The following PPHLN1 variants were observed in gnomAD, a reference collection of about 807,000 sequenced individuals.
The protein encoded by PPHLN1 is periphilin-1.
In PPHLN1, 29 loss-of-function variants were observed where a neutral mutation model predicts 51.3. That is an observed-to-expected ratio of 0.57 (90% CI 0.42 to 0.77). PPHLN1 has a LOEUF of 0.77. Among genes scored for constraint, PPHLN1 ranks in the 30% least tolerant of loss-of-function variants. PPHLN1 has a pLI of 0.00. For synonymous variants in PPHLN1, 147 were observed against 147.8 expected, an observed-to-expected ratio of 0.99 and a Z score of 0.04; for missense variants, 436 against 438.4, an observed-to-expected ratio of 0.99 and a Z score of 0.05.
At chr12:42,406,021 C>T (rs1416305775) in intron 9 of PPHLN1, among the ~76,000 whole-genome samples, 1 of 151,948 alleles carries the variant, frequency 6.6e-6, no homozygotes, top group Non-Finnish European at 1.5e-5. Flanking sequence ...GTTCATCTCC[C>T]CTCCTAACCT....
chr12:42,413,526 ATGTGTGTGTGTGTGTGTGTGTG>A (rs71084648), intron 9 of PPHLN1, among the ~76,000 whole-genome samples: 9 of 136,608 alleles, frequency 6.6e-5, no homozygotes, highest in South Asian at 2.4e-4. Flanking sequence ...ATATATGTAT[ATGTGTGTGTGTGTGTGTGTGTG>A]TGTGTGTGTG....
intron 7 of PPHLN1, among the ~76,000 whole-genome samples, chr12:42,392,797 A>T (rs1438955024): frequency 6.6e-6 from 1 of 152,224 alleles, no homozygotes; most frequent in Non-Finnish European, 1.5e-5. Context: ...ATCAGTGAAT[A>T]TGGAAAAGAA....
chr12:42,326,605 T>A (rs1349343217), intron 1 of PPHLN1, among the ~76,000 whole-genome samples: 1 of 152,170 alleles, frequency 6.6e-6, no homozygotes, highest in Admixed American at 6.5e-5. Context: ...TTGTTTTGTT[T>A]TCTGGTGAAG....
At chr12:42,398,690 C>A in intron 8 of PPHLN1, 164 bp from the exon 9 acceptor site, 1 of 505,364 alleles carries the variant, frequency 2.0e-6, no homozygotes, top group African/African-American at 1.9e-5. Context: ...TAATCCATTT[C>A]ACATATGCTC....
chr12:42,328,999 C>T (rs528354910), intron 1 of PPHLN1, among the ~76,000 whole-genome samples: 1 of 152,282 alleles, frequency 6.6e-6, no homozygotes. Context: ...CGGGCATGAG[C>T]CACCGCACCC....
At chr12:42,393,008 A>G (rs2077871356) in intron 7 of PPHLN1, among the ~76,000 whole-genome samples, 1 of 152,252 alleles carries the variant, frequency 6.6e-6, no homozygotes. Context: ...CCAGGTCTGT[A>G]TATAACTGCA....
intron 9 of PPHLN1, among the ~76,000 whole-genome samples, chr12:42,408,542 G>C (rs2079521483): frequency 6.6e-6 from 1 of 152,166 alleles, no homozygotes; most frequent in Admixed American, 6.5e-5. Context: ...TAGTAGTTAG[G>C]TAAGTAGCAT....
At chr12:42,333,778 G>A (rs971717040) in intron 1 of PPHLN1, among the ~76,000 whole-genome samples, 1 of 152,126 alleles carries the variant, frequency 6.6e-6, no homozygotes, top group Admixed American at 6.5e-5. Flanking sequence ...CGCTGCGCCC[G>A]GCCAACCTCC....
At chr12:42,444,955 AG>A, downstream of PPHLN1, 1 of 663,362 alleles carries the variant, frequency 1.5e-6, no homozygotes, top group Non-Finnish European at 2.7e-6. Flanking sequence ...CAGAGAGCTG[AG>A]GTTGGAGCCC....
chr12:42,407,550 C>G (rs2079423788), intron 9 of PPHLN1, among the ~76,000 whole-genome samples: 1 of 152,094 alleles, frequency 6.6e-6, no homozygotes, highest in Non-Finnish European at 1.5e-5. Context: ...TAAGCCCAGC[C>G]CAAAATCAAC....
chr12:42,416,855 A>C (rs1294995830), intron 9 of PPHLN1, among the ~76,000 whole-genome samples: 2 of 152,222 alleles, frequency 1.3e-5, no homozygotes, highest in African/African-American at 4.8e-5. Flanking sequence ...TGAAGGTAGA[A>C]TAAAGATAAT....
At chr12:42,433,683 G>A (rs2082241327) in intron 9 of PPHLN1, among the ~76,000 whole-genome samples, 1 of 152,150 alleles carries the variant, frequency 6.6e-6, no homozygotes. Flanking sequence ...TAATAAGACA[G>A]CATATATTTA....
intron 9 of PPHLN1, chr12:42,431,977 G>T: frequency 2.0e-6 from 3 of 1,473,080 alleles, no homozygotes; most frequent in East Asian, 2.3e-5. Context: ...AGTGTCTGCA[G>T]TCTGATCTGA....
intron 9 of PPHLN1, chr12:42,399,545 A>T: frequency 1.8e-6 from 1 of 554,756 alleles, no homozygotes; most frequent in Non-Finnish European, 2.3e-6. Context: ...TATAAAATGT[A>T]ACATTTTGTA....
intron 9 of PPHLN1, chr12:42,432,425 A>C: frequency 1.3e-6 from 1 of 757,456 alleles, no homozygotes; most frequent in Non-Finnish European, 2.5e-6. Flanking sequence ...AGTGCCAACA[A>C]ATACAAATGG....
downstream of PPHLN1, chr12:42,448,108 G>A (rs2083380794): frequency 6.6e-6 from 1 of 152,148 alleles, no homozygotes; most frequent in South Asian, 2.1e-4. Context: ...TGGTCCGAGG[G>A]TTCAGTTCCT....
chr12:42,340,952 A>C (rs56404257), intron 2 of PPHLN1, among the ~76,000 whole-genome samples: 24,241 of 150,566 alleles, frequency 0.16, 2,007 homozygotes, highest in Admixed American at 0.2. Context: ...AATTTTACAG[A>C]ATTTCTCTCC....
intron 3 of PPHLN1, among the ~76,000 whole-genome samples, chr12:42,354,398 TG>T (rs1269469799): frequency 6.6e-6 from 1 of 151,930 alleles, no homozygotes; most frequent in African/African-American, 2.4e-5. Flanking sequence ...TTTGTAGAGA[TG>T]GGGTTTCACC....
intron 9 of PPHLN1, among the ~76,000 whole-genome samples, chr12:42,419,912 C>T (rs918598783): frequency 6.6e-6 from 1 of 152,134 alleles, no homozygotes; most frequent in South Asian, 2.1e-4. Flanking sequence ...TGGATAGTTG[C>T]GAGTGTGTTC....
Sources: gnomAD v4.1 joint callset for allele counts (sites outside exome capture counted in the v4.1 genomes callset) on GRCh38, gnomAD v4.1.1 for gene constraint, MANE v1.5 for transcripts, NCBI Gene and HGNC (gene_info 2026-07-23, HGNC 2026-07-21) for gene names.